VPS13C: variants seen among roughly 807,000 people sequenced by gnomAD.
The protein encoded by VPS13C is intermembrane lipid transfer protein VPS13C.
In VPS13C, 358 loss-of-function variants were observed where a neutral mutation model predicts 456.8. That is an observed-to-expected ratio of 0.78 (90% CI 0.72 to 0.86). The LOEUF (loss-of-function observed/expected upper bound fraction) is 0.86, where lower values mean the gene tolerates loss of function less well. Among genes scored for constraint, VPS13C ranks in the 40% least tolerant of loss-of-function variants. The pLI is 0.00. For synonymous variants in VPS13C, 1,578 were observed against 1,486.7 expected, an observed-to-expected ratio of 1.06 and a Z score of -1.41; for missense variants, 4,818 against 4,385.4, an observed-to-expected ratio of 1.10 and a Z score of -2.79.
intron 67 of VPS13C, among the ~76,000 whole-genome samples, chr15:61,889,421 T>G (rs1389962955): frequency 3.9e-5 from 6 of 152,114 alleles, no homozygotes; most frequent in Non-Finnish European, 8.8e-5. Context: ...ATCTATTTAC[T>G]TTTCTCCTTA....
chr15:61,997,778 G>C (rs1393080906), intron 16 of VPS13C, among the ~76,000 whole-genome samples: 1 of 152,056 alleles, frequency 6.6e-6, no homozygotes, highest in Non-Finnish European at 1.5e-5. Flanking sequence ...TCTCAGTAAA[G>C]CTACTATCAC....
In VPS13C at chr15:61,854,884, G is replaced by A. The variant is rs374500259; in HGVS notation, c.11147C>T (p.Thr3716Ile). The change falls in exon 84 of 85, where the codon ACC becomes ATC. Residue 3716 changes from threonine to isoleucine, a missense_variant. Around this residue, in one of 3 missense-constraint regions of VPS13C, gnomAD observed 261 missense variants for 234.1 expected, o/e 1.11. Coordinates refer to ENST00000644861, the MANE Select transcript of VPS13C (RefSeq NM_020821.3). ...GCVRKVYLKD[T>I]ATAERACNAI... ...TAAATTGTTTACCTCTGCTGTGGCG[G>A]TGTCCTTCAGGTAAACTTTTCGAAC... The A allele has an allele frequency of 2.0e-5, 32 of 1,612,840 alleles. No homozygotes were observed. The South Asian group carries it at 3.0e-4, about 15-fold the overall frequency.
At chr15:62,016,265 TTA>T (rs766144187) in intron 9 of VPS13C, among the ~76,000 whole-genome samples, 5 of 150,104 alleles carry the variant, frequency 3.3e-5, no homozygotes, top group Admixed American at 6.6e-5. Context: ...TAACTTTATT[TTA>T]TATATATATA....
Position 61,920,562 on chromosome 15 carries a change from G to T in VPS13C, c.7148C>A (p.Ser2383Ter). Reference protein sequence around the residue: ...PEPQMAIHISSGNTMNITISK... With the variant: ...PEPQMAIHIS ...TATTGTTATATTCATTGTATTTCCT[G>T]AAGAAATATGAATTGCCATTTGTGG... is the stretch of plus-strand genomic sequence containing the variant. The change falls in exon 56 of 85, where the codon TCA (serine) becomes TAA (stop). Residue 2383 changes from serine to a stop codon, truncating the protein, a stop_gained. Transcript: ENST00000644861. LOFTEE classifies it high-confidence loss of function. 1 of 1,580,590 alleles carries T rather than the reference G, an allele frequency of 6.3e-7. No homozygotes were observed. The highest frequency in any genetic ancestry group is 8.6e-7 in the Non-Finnish European group (1 of 1,169,116).
At chr15:61,957,813 AG>A (rs2045058201) in intron 37 of VPS13C, among the ~76,000 whole-genome samples, 1 of 152,164 alleles carries the variant, frequency 6.6e-6, no homozygotes, top group Non-Finnish European at 1.5e-5. Context: ...GTCTAGTGCT[AG>A]GAACTTGCTA....
chr15:61,881,907 G>C, intron 69 of VPS13C, 79 bp from the exon 70 acceptor site: 1 of 1,243,016 alleles, frequency 8.0e-7, no homozygotes, highest in African/African-American at 1.5e-5. Flanking sequence ...TATAGAAGAG[G>C]CCACCACTTT....
Position 61,873,336 on chromosome 15 carries a change from C to A in VPS13C, c.10488G>T (p.Lys3496Asn), listed in dbSNP as rs1380855502. 1.9e-6 allele frequency: 3 copies of A among 1,613,594 alleles called. No homozygotes were observed. Among genetic ancestry groups the A allele is most frequent in the Non-Finnish European group, 2.5e-6 (3 of 1,179,798 alleles). The change falls in exon 78 of 85, where the codon AAG (lysine) becomes AAT (asparagine). Residue 3496 changes from lysine to asparagine, a missense_variant. By Grantham distance (94) the Lys-to-Asn change is moderately conservative. Coordinates refer to ENST00000644861, the MANE Select transcript of VPS13C (RefSeq NM_020821.3). ...GKGLAAITMD[K>N]EYQQKRREEL... ...CTTCTCTTCTTTTTTGCTGATATTC[C>A]TTGTCCATTGTAATTGCTGCCAAAC...
At chr15:61,859,149 C>G (rs1022392541) in intron 82 of VPS13C, among the ~76,000 whole-genome samples, 2 of 151,926 alleles carry the variant, frequency 1.3e-5, no homozygotes, top group Non-Finnish European at 2.9e-5. Context: ...GGTGGGAGGA[C>G]TGCTTGAGCC....
At chr15:62,009,122 T>C (rs2046954665) in intron 13 of VPS13C, among the ~76,000 whole-genome samples, 1 of 152,174 alleles carries the variant, frequency 6.6e-6, no homozygotes, top group Non-Finnish European at 1.5e-5. Flanking sequence ...ATCTGTAAAC[T>C]ATGATATAAA....
In VPS13C at chr15:61,867,876, T is replaced by C. The variant is rs1430162570; in HGVS notation, c.10863+783A>G. 6.3e-7 allele frequency: 1 copy of C among 1,597,790 alleles called. No homozygotes were observed. Among genetic ancestry groups the C allele is most frequent in the Admixed American group, 1.7e-5 (1 of 57,230 alleles). Reference sequence around the variant, plus strand: ...CACACACAGTCAATTAACACCACAGTTTGTTTTGATTTTTAAGGATGAAAT... The same window carrying C: ...CACACACAGTCAATTAACACCACAGCTTGTTTTGATTTTTAAGGATGAAAT... On this transcript the variant is annotated intron_variant, in intron 81 of 84. Coordinates refer to ENST00000644861, the MANE Select transcript of VPS13C (RefSeq NM_020821.3). The surrounding 1 kb of genome is among the most constrained non-coding windows in gnomAD (Gnocchi z 5.0).
In VPS13C at chr15:61,867,053, A is replaced by C; in HGVS notation, c.10863+1606T>G. ...TACTAATTTCAAAAATAATGATTAT[A>C]ATTATTTTTTCTCTAAGATAATAAA... On this transcript the variant is annotated intron_variant, in intron 81 of 84. Transcript: ENST00000644861. This position sits in a 1 kb window ranked among gnomAD's most constrained non-coding sequence, Gnocchi z 5.0. 2 of 911,140 alleles carry C rather than the reference A, an allele frequency of 2.2e-6. No individual in the cohort carries two copies. Among genetic ancestry groups the C allele is most frequent in the Non-Finnish European group, 2.6e-6 (2 of 762,006 alleles). 56.4% of individuals were successfully genotyped at this position (911,140 alleles called of 1,614,324 possible).
intron 61 of VPS13C, among the ~76,000 whole-genome samples, chr15:61,915,107 T>C (rs2043427468): frequency 6.6e-6 from 1 of 151,922 alleles, no homozygotes; most frequent in Non-Finnish European, 1.5e-5. Context: ...AGAGGCACTG[T>C]AGGCAAAGGG....
At chr15:62,000,764 T>C (rs1218311041) in intron 15 of VPS13C, 138 bp from the exon 16 acceptor site, 1 of 569,608 alleles carries the variant, frequency 1.8e-6, no homozygotes, top group Non-Finnish European at 2.8e-6. Flanking sequence ...AATTTGAATG[T>C]ATTCTAGACT....
chr15:61,927,178 G>A lies in VPS13C; in HGVS notation c.6429C>T (p.Leu2143=), dbSNP rs568279338. 1.1e-5 allele frequency: 18 copies of A among 1,614,026 alleles called. No homozygotes were observed. The highest frequency in any genetic ancestry group is 2.7e-5 in the African/African-American group (2 of 74,918). The change falls in exon 52 of 85, where the codon CTC becomes CTT. Residue 2143 remains leucine (L), a synonymous_variant. Coordinates refer to ENST00000644861, the MANE Select transcript of VPS13C (RefSeq NM_020821.3). ...TCACAGAAGCTTCCATCATCTGTTCGAGTTTGGATGTTGACAGAGAAAGGT... is the reference window on the plus strand; with the variant it reads ...TCACAGAAGCTTCCATCATCTGTTCAAGTTTGGATGTTGACAGAGAAAGGT... The part of the protein sequence containing the change: ...QCNLSLSTSK[L]EQMMEASVRD...
At chr15:62,040,378 GATAA>G (rs1325566699) in intron 3 of VPS13C, among the ~76,000 whole-genome samples, 3 of 152,140 alleles carry the variant, frequency 2.0e-5, no homozygotes, top group East Asian at 1.9e-4. Context: ...ACAAAGAAAG[GATAA>G]ATACTTTGAG....
chr15:61,984,185 C>T (rs1005674930), intron 19 of VPS13C, among the ~76,000 whole-genome samples, 173 bp from the exon 20 acceptor site: 3 of 152,226 alleles, frequency 2.0e-5, no homozygotes, highest in Admixed American at 6.5e-5. Flanking sequence ...CACACACAAT[C>T]TGGTTTGCTG....
rs1177623701 is a variant in VPS13C at position 61,867,483 on chromosome 15, G to C, written c.10863+1176C>G. On this transcript the variant is annotated intron_variant, in intron 81 of 84. Coordinates refer to ENST00000644861, the MANE Select transcript of VPS13C (RefSeq NM_020821.3). The surrounding 1 kb of genome is among the most constrained non-coding windows in gnomAD (Gnocchi z 5.0). ...TAGTCCCGTAACTTAAGCAAATTTA[G>C]AGCCATTTGTGAAACAGAAAGCTAT... 1 of 988,276 alleles carries C rather than the reference G, an allele frequency of 1.0e-6. No homozygotes were observed. Among genetic ancestry groups the C allele is most frequent in the Admixed American group, 6.1e-5 (1 of 16,294 alleles). 61.2% of individuals were successfully genotyped at this position (988,276 alleles called of 1,614,324 possible).
intron 67 of VPS13C, among the ~76,000 whole-genome samples, chr15:61,886,445 T>C (rs1896277503): frequency 1.3e-5 from 2 of 152,106 alleles, no homozygotes; most frequent in South Asian, 4.1e-4. Flanking sequence ...AAGATGAACA[T>C]TCAAAGTTCA....
intron 18 of VPS13C, among the ~76,000 whole-genome samples, chr15:61,989,827 G>A (rs963413804): frequency 7.9e-5 from 12 of 152,074 alleles, no homozygotes; most frequent in Admixed American, 7.9e-4. Flanking sequence ...AATTATCCTC[G>A]CATACTGATA....
Sources: allele counts gnomAD v4.1 joint callset (sites outside exome capture counted in the v4.1 genomes callset), GRCh38; gene constraint gnomAD v4.1.1; regional missense constraint gnomAD v4.1.1; non-coding constraint Gnocchi (gnomAD v3.1); transcripts MANE v1.5; gene names NCBI Gene and HGNC (gene_info 2026-07-23, HGNC 2026-07-21).